OTUD7A: variants seen among roughly 807,000 people sequenced by gnomAD.
OTUD7A encodes OTU deubiquitinase 7A, also known as OTU domain-containing protein 7A.
In OTUD7A, 12 loss-of-function variants were observed where a neutral mutation model predicts 65.7. The ratio of observed to expected loss-of-function variants is 0.18; its 90% CI spans 0.12 to 0.30. The LOEUF is 0.30. OTUD7A is among the 10% of genes least tolerant of loss of function. The pLI is 1.00. For synonymous variants in OTUD7A, 641 were observed against 586.3 expected, an observed-to-expected ratio of 1.09 and a Z score of -1.35; for missense variants, 1,148 against 1,304.8, an observed-to-expected ratio of 0.88 and a Z score of 1.85.
chr15:31,720,060 A>G (rs1893691899), intron 1 of OTUD7A, among the ~76,000 whole-genome samples: 1 of 152,212 alleles, frequency 6.6e-6, no homozygotes, highest in African/African-American at 2.4e-5. Context: ...AATAATTAAG[A>G]AATTCAGCTG....
At chr15:31,835,687 CATACACAT>C (rs1383832510) in intron 1 of OTUD7A, among the ~76,000 whole-genome samples, 1 of 152,134 alleles carries the variant, frequency 6.6e-6, no homozygotes, top group Non-Finnish European at 1.5e-5. Context: ...TACAAACACA[CATACACAT>C]ATATACCCAC....
chr15:31,638,376 A>G (rs1891403727), intron 3 of OTUD7A, among the ~76,000 whole-genome samples: 1 of 125,298 alleles, frequency 8.0e-6, no homozygotes, highest in Non-Finnish European at 1.6e-5. Flanking sequence ...GTATAAAGAT[A>G]ACTTTTTTTT....
Position 31,781,518 on chromosome 15 carries a change from A to C in OTUD7A, c.-100+88989T>G, listed in dbSNP as rs554018225. 5.9e-5 allele frequency among the ~76,000 whole-genome samples: 9 copies of C among 152,340 alleles called. No individual in the cohort carries two copies. The South Asian group carries it at 1.0e-3, about 18-fold the overall frequency. On this transcript the variant is annotated intron_variant, in intron 1 of 12. Transcript: ENST00000307050. ...ACCATTAAGTTTTGCAATCTCATTC[A>C]TGCAAACATATTTTGAAACCTGACT...
intron 1 of OTUD7A, among the ~76,000 whole-genome samples, chr15:31,827,168 G>A (rs562865382): frequency 6.6e-6 from 1 of 152,290 alleles, no homozygotes; most frequent in South Asian, 2.1e-4. Context: ...TCACACTGCT[G>A]ATAAAGACAT....
At chr15:31,499,037 CACT>C (rs1179305517) in intron 10 of OTUD7A, among the ~76,000 whole-genome samples, 1 of 152,176 alleles carries the variant, frequency 6.6e-6, no homozygotes, top group Admixed American at 6.5e-5. Flanking sequence ...GAGGGAGAGG[CACT>C]CGATGAGAAG....
intron 1 of OTUD7A, among the ~76,000 whole-genome samples, chr15:31,813,223 A>G (rs1429914151): frequency 6.6e-6 from 1 of 152,220 alleles, no homozygotes; most frequent in East Asian, 1.9e-4. Flanking sequence ...CCCCATGCCA[A>G]TGCCGTTGCT....
intron 4 of OTUD7A, among the ~76,000 whole-genome samples, chr15:31,564,927 A>G (rs1888817820): frequency 1.3e-5 from 2 of 152,182 alleles, no homozygotes; most frequent in Admixed American, 6.5e-5. Flanking sequence ...GATAAAAACC[A>G]TTATATCAAA....
chr15:31,485,973 A>G (rs2041231072), intron 12 of OTUD7A, among the ~76,000 whole-genome samples: 1 of 152,146 alleles, frequency 6.6e-6, no homozygotes, highest in South Asian at 2.1e-4. Flanking sequence ...CTGGTGCGTG[A>G]GACACTAAAG....
At chr15:31,838,127 T>C (rs1897099455) in intron 1 of OTUD7A, among the ~76,000 whole-genome samples, 1 of 152,130 alleles carries the variant, frequency 6.6e-6, no homozygotes, top group African/African-American at 2.4e-5. Flanking sequence ...TAATCAAAAA[T>C]GGATCACAGC....
At chr15:31,590,504 T>C (rs777349222) in intron 3 of OTUD7A, among the ~76,000 whole-genome samples, 1 of 152,194 alleles carries the variant, frequency 6.6e-6, no homozygotes, top group Non-Finnish European at 1.5e-5. Context: ...ATTCATCACG[T>C]GATGGAAATA....
At chr15:31,733,479 C>G (rs1449348029) in intron 1 of OTUD7A, among the ~76,000 whole-genome samples, 1 of 152,216 alleles carries the variant, frequency 6.6e-6, no homozygotes, top group Non-Finnish European at 1.5e-5. Flanking sequence ...CTGACTAATT[C>G]CTATTGGTCC....
At chr15:31,781,960 T>C (rs1219392821) in intron 1 of OTUD7A, among the ~76,000 whole-genome samples, 2 of 152,246 alleles carry the variant, frequency 1.3e-5, no homozygotes, top group African/African-American at 2.4e-5. Flanking sequence ...CTGAAATCAA[T>C]TGCTAGTGAG....
rs2041089834 is a variant in OTUD7A, at chr15:31,479,819, A to G, written c.*3475T>C. The G allele has an allele frequency of 6.6e-6, 1 of 152,198 alleles. No homozygotes were observed. The highest frequency in any genetic ancestry group is 6.5e-5 in the Admixed American group (1 of 15,288). The allele number at this position is 152,198 out of a possible 1,614,324, so 9.4% of individuals were successfully genotyped here. On this transcript the variant is annotated 3_prime_UTR_variant, in exon 13 of 13. Transcript: ENST00000307050. ...GACAGTAAGCTACGAGAAGTAGTAAATTAAATCATTTGGGAAAACATTCGA... is the reference window on the plus strand; with the variant it reads ...GACAGTAAGCTACGAGAAGTAGTAAGTTAAATCATTTGGGAAAACATTCGA...
chr15:31,545,308 T>C (rs1308979194), intron 5 of OTUD7A, among the ~76,000 whole-genome samples: 2 of 152,062 alleles, frequency 1.3e-5, no homozygotes, highest in Non-Finnish European at 2.9e-5. Flanking sequence ...AGGTGGATTA[T>C]AGATTTAAGT....
chr15:31,620,179 T>C (rs546045330), intron 3 of OTUD7A, among the ~76,000 whole-genome samples: 49 of 152,352 alleles, frequency 3.2e-4, no homozygotes, highest in African/African-American at 9.9e-4. Flanking sequence ...CAGTATTTTA[T>C]TGAGGATTTT....
chr15:31,648,384 G>A (rs918221416), intron 3 of OTUD7A, among the ~76,000 whole-genome samples: 5 of 152,102 alleles, frequency 3.3e-5, no homozygotes, highest in African/African-American at 1.2e-4. Context: ...TTTAACACAA[G>A]TCCTTGAGCT....
chr15:31,755,060 CGTGTGT>C (rs71424619), intron 1 of OTUD7A, among the ~76,000 whole-genome samples: 9 of 146,290 alleles, frequency 6.2e-5, no homozygotes, highest in African/African-American at 2.0e-4. Flanking sequence ...CCTCTGTGTT[CGTGTGT>C]GTGTGTGTGT....
chr15:31,563,764 A>G (rs1192196642), intron 4 of OTUD7A, among the ~76,000 whole-genome samples: 1 of 152,222 alleles, frequency 6.6e-6, no homozygotes, highest in African/African-American at 2.4e-5. Context: ...TCTAGAAGAG[A>G]GGAGCTGGGA....
intron 1 of OTUD7A, among the ~76,000 whole-genome samples, chr15:31,688,920 A>G (rs1160399649): frequency 6.6e-6 from 1 of 152,240 alleles, no homozygotes. Flanking sequence ...TCCAAGAGTC[A>G]TAAAGCAAAA....
Sources: gnomAD v4.1 joint callset for allele counts (sites outside exome capture counted in the v4.1 genomes callset) on GRCh38, gnomAD v4.1.1 for gene constraint, MANE v1.5 for transcripts, NCBI Gene and HGNC (gene_info 2026-07-23, HGNC 2026-07-21) for gene names.